The following TNPO2 variants were observed in gnomAD, a reference collection of about 807,000 sequenced individuals.
TNPO2 encodes the protein transportin-2.
Under a neutral mutation model 111.1 loss-of-function variants are expected in TNPO2, and 16 were observed. The observed-to-expected ratio is 0.14, with a 90% CI of 0.10 to 0.22. The LOEUF (loss-of-function observed/expected upper bound fraction) is 0.22, where lower values mean the gene tolerates loss of function less well. TNPO2 is among the 10% of genes least tolerant of loss of function. The pLI, the probability that TNPO2 is intolerant of heterozygous loss-of-function variation, is 1.00. For synonymous variants in TNPO2, 481 were observed against 475.8 expected, an observed-to-expected ratio of 1.01 and a Z score of -0.14; for missense variants, 530 against 1,173.7, an observed-to-expected ratio of 0.45 and a Z score of 8.01.
chr19:12,718,273 C>T (rs931358256), intron 5 of TNPO2, among the ~76,000 whole-genome samples: 2 of 151,928 alleles, frequency 1.3e-5, no homozygotes, highest in African/African-American at 4.8e-5. Context: ...TCAAGTGATT[C>T]TCCTGCCTCA....
chr19:12,711,201 G>T (rs1034660606), intron 12 of TNPO2, 95 bp downstream of exon 12: 3 of 1,514,430 alleles, frequency 2.0e-6, no homozygotes, highest in Non-Finnish European at 2.7e-6. Context: ...GCCACGATCA[G>T]CTTCTAATCA....
chr19:12,721,075 G>T lies in TNPO2; in HGVS notation c.-13-85C>A, dbSNP rs1335171412. 1.0e-5 allele frequency: 16 copies of T among 1,530,512 alleles called. No homozygotes were observed. The highest frequency in any genetic ancestry group is 1.4e-5 in the African/African-American group (1 of 72,350). The allele number at this position is 1,530,512 out of a possible 1,614,324, so 94.8% of individuals were successfully genotyped here. On this transcript the variant is annotated intron_variant, in intron 2 of 25. Coordinates refer to ENST00000425528, the MANE Select transcript of TNPO2 (RefSeq NM_001382241.1). This position sits in a 1 kb window ranked among gnomAD's most constrained non-coding sequence, Gnocchi z 4.9. ...TGGAGCCCCTGAGGCCGCGGTGGCC[G>T]CATGACGACGGGAACGCCCTCGGCG... is the stretch of plus-strand genomic sequence containing the variant.
Position 12,719,125 on chromosome 19 carries a change from G to A in TNPO2, c.229C>T (p.His77Tyr). The A allele has an allele frequency of 6.2e-7, 1 of 1,614,012 alleles. No homozygotes were observed. Among genetic ancestry groups the A allele is most frequent in the Non-Finnish European group, 8.5e-7 (1 of 1,179,902 alleles). Reference protein sequence around the residue: ...GLILKNNVKAHYQSFPPPVAD... With the variant: ...GLILKNNVKAYYQSFPPPVAD... ...ACAGGGGGTGGGAAGCTCTGATAGT[G>A]TGCCTTCACGTTGTTCTTGAGGATG... Residue 77 changes from histidine to tyrosine, a missense_variant, in exon 5 of 26, where the codon CAC becomes TAC. His to Tyr is a moderately conservative substitution (Grantham distance 83). Transcript: ENST00000425528. The surrounding 1 kb of genome is among the most constrained non-coding windows in gnomAD (Gnocchi z 5.0).
chr19:12,703,933 C>T, intron 18 of TNPO2, 132 bp from the exon 19 acceptor site: 1 of 736,276 alleles, frequency 1.4e-6, no homozygotes, highest in East Asian at 2.7e-5. Flanking sequence ...TGTTCCTTAA[C>T]CTCCCTAGCC....
chr19:12,715,485 G>T lies in TNPO2; in HGVS notation c.486C>A (p.Asp162Glu), dbSNP rs1358215009. 1 of 1,613,926 alleles carries T rather than the reference G, an allele frequency of 6.2e-7. No individual in the cohort carries two copies. The highest frequency in any genetic ancestry group is 8.5e-7 in the Non-Finnish European group (1 of 1,179,870). Residue 162 changes from aspartate (D) to glutamate (E), a missense_variant, in exon 7 of 26, where the codon GAC becomes GAA. This residue lies in a region of TNPO2 where 156 missense variants were observed against 405.8 expected (regional missense o/e 0.38). Transcript: ENST00000425528. This position sits in a 1 kb window ranked among gnomAD's most constrained non-coding sequence, Gnocchi z 7.1. ...TGAGGGGCCTGTTGAGGGCGTCACT[G>T]TCCAGAAGCTCTGATGAGTCTTCAC... The part of the protein sequence containing the change: ...KICEDSSELL[D>E]SDALNRPLNI...
intron 5 of TNPO2, among the ~76,000 whole-genome samples, chr19:12,717,816 A>G (rs2026447191): frequency 6.6e-6 from 1 of 151,476 alleles, no homozygotes; most frequent in African/African-American, 2.4e-5. Flanking sequence ...AGCTGGGATT[A>G]CAGGTGCCCA....
At chr19:12,720,446 A>G (rs2026617797) in intron 3 of TNPO2, among the ~76,000 whole-genome samples, 2 of 151,752 alleles carry the variant, frequency 1.3e-5, no homozygotes, top group Admixed American at 6.6e-5. Flanking sequence ...TCATCCTCCC[A>G]AGTAGCTGGG....
chr19:12,715,835 C>A lies in TNPO2; in HGVS notation c.326-96G>T. 3.1e-6 allele frequency: 3 copies of A among 971,398 alleles called. No homozygotes were observed. In the South Asian group the frequency reaches 4.4e-5, roughly 14 times the overall value. The allele number at this position is 971,398 out of a possible 1,614,324, so 60.2% of individuals were successfully genotyped here. On this transcript the variant is annotated intron_variant, in intron 5 of 25. Coordinates refer to ENST00000425528, the MANE Select transcript of TNPO2 (RefSeq NM_001382241.1). This position sits in a 1 kb window ranked among gnomAD's most constrained non-coding sequence, Gnocchi z 7.1. ...ACACCCCCAGTGCTGCCTTTCTGTT[C>A]CCTAGCCCATGTACGCCCTCTACAT...
intron 18 of TNPO2, 147 bp from the exon 19 acceptor site, chr19:12,703,948 G>A: frequency 1.5e-6 from 1 of 676,490 alleles, no homozygotes; most frequent in Non-Finnish European, 2.5e-6. Context: ...CTAGCCTCCA[G>A]CCCACATCTG....
rs2025169177 is a variant in TNPO2, at chr19:12,699,334, G to C, written c.*1930C>G. On this transcript the variant is annotated 3_prime_UTR_variant, in exon 26 of 26. Coordinates refer to ENST00000425528, the MANE Select transcript of TNPO2 (RefSeq NM_001382241.1). ...GCCCGCAGGGGGAAGAGGGTGAGGA[G>C]GGAAAGAGGGACTGTGGCTCAAGGC... 2.5e-6 allele frequency: 1 copy of C among 404,464 alleles called. No homozygotes were observed. The highest frequency in any genetic ancestry group is 2.1e-5 in the African/African-American group (1 of 47,822). 25.1% of individuals were successfully genotyped at this position (404,464 alleles called of 1,614,324 possible). A position where few individuals can be genotyped will look rare whatever the true frequency, so the allele number is the denominator to read the frequency against.
Position 12,715,827 on chromosome 19 carries a change from T to C in TNPO2, c.326-88A>G, listed in dbSNP as rs2026330883. ...CCCACTGGACACCCCCAGTGCTGCC[T>C]TTCTGTTCCCTAGCCCATGTACGCC... On this transcript the variant is annotated intron_variant, in intron 5 of 25. Transcript: ENST00000425528. The surrounding 1 kb of genome is among the most constrained non-coding windows in gnomAD (Gnocchi z 7.1). The C allele has an allele frequency of 5.6e-6, 6 of 1,067,562 alleles. No homozygotes were observed. The highest frequency in any genetic ancestry group is 1.6e-5 in the African/African-American group (1 of 63,384). The allele number at this position is 1,067,562 out of a possible 1,614,324, so 66.1% of individuals were successfully genotyped here.
At chr19:12,717,142 C>T (rs1223803787) in intron 5 of TNPO2, among the ~76,000 whole-genome samples, 1 of 151,888 alleles carries the variant, frequency 6.6e-6, no homozygotes, top group Non-Finnish European at 1.5e-5. Flanking sequence ...TGGGTAGGTA[C>T]ACAGTGAGGA....
At chr19:12,711,767 G>A (rs1407429798) in intron 10 of TNPO2, among the ~76,000 whole-genome samples, 154 bp from the exon 11 acceptor site, 2 of 152,102 alleles carry the variant, frequency 1.3e-5, no homozygotes, top group African/African-American at 4.8e-5. Flanking sequence ...GGTACTGCTA[G>A]GTGCAAATTG....
In TNPO2 at chr19:12,703,419, G is replaced by T. The variant is rs774363283; in HGVS notation, c.2209+9C>A. On this transcript the variant is annotated intron_variant, in intron 20 of 25. Transcript: ENST00000425528. The stretch of plus-strand genomic sequence containing the variant: ...GGGGGGCGCGTGTTGCCACTTGCAG[G>T]GCACTCACCCATCTGCATGCAGATT... 1.2e-5 allele frequency: 19 copies of T among 1,612,858 alleles called. No individual in the cohort carries two copies. Among genetic ancestry groups the T allele is most frequent in the Non-Finnish European group, 1.6e-5 (19 of 1,179,184 alleles).
At position 12,721,275 on chromosome 19, in the gene TNPO2, G is replaced by T. The variant is rs958211313; in HGVS notation, c.-13-285C>A. On this transcript the variant is annotated intron_variant, in intron 2 of 25. Coordinates refer to ENST00000425528, the MANE Select transcript of TNPO2 (RefSeq NM_001382241.1). The surrounding 1 kb of genome is among the most constrained non-coding windows in gnomAD (Gnocchi z 4.9). ...TCATGGGACCCAGCGAAGAGCCCTC[G>T]TCCCAGGGTGGCCCATGCCGCTGAC... is the stretch of plus-strand genomic sequence containing the variant. 5.0e-5 allele frequency: 64 copies of T among 1,288,558 alleles called. No homozygotes were observed. Among genetic ancestry groups the T allele is most frequent in the Non-Finnish European group, 6.2e-5 (63 of 1,010,108 alleles). The allele number at this position is 1,288,558 out of a possible 1,614,324, so 79.8% of individuals were successfully genotyped here. A position where few individuals can be genotyped will look rare whatever the true frequency, so the allele number is the denominator to read the frequency against.
rs925193592 is a variant in TNPO2, at chr19:12,721,273, T to C, written c.-13-283A>G. 4.5e-5 allele frequency: 58 copies of C among 1,288,818 alleles called. No homozygotes were observed. Among genetic ancestry groups the C allele is most frequent in the Non-Finnish European group, 5.7e-5 (58 of 1,010,510 alleles). The allele number at this position is 1,288,818 out of a possible 1,614,324, so 79.8% of individuals were successfully genotyped here. ...CCTCATGGGACCCAGCGAAGAGCCC[T>C]CGTCCCAGGGTGGCCCATGCCGCTG... On this transcript the variant is annotated intron_variant, in intron 2 of 25. Transcript: ENST00000425528. The surrounding 1 kb of genome is among the most constrained non-coding windows in gnomAD (Gnocchi z 4.9).
At position 12,705,120 on chromosome 19, in the gene TNPO2, A is replaced by G. The variant is rs1472079060; in HGVS notation, c.2022+120T>C. 2.7e-6 allele frequency: 3 copies of G among 1,105,398 alleles called. No individual in the cohort carries two copies. In the Admixed American group the frequency reaches 7.3e-5, roughly 27 times the overall value. The allele number at this position is 1,105,398 out of a possible 1,614,324, so 68.5% of individuals were successfully genotyped here. On this transcript the variant is annotated intron_variant, in intron 18 of 25. Transcript: ENST00000425528. This position sits in a 1 kb window ranked among gnomAD's most constrained non-coding sequence, Gnocchi z 7.2. ...CCTCGGCCTCCAGGATTACTCTTTA[A>G]AATAATTAGAACAGCACCTTTTCCC...
intron 2 of TNPO2, among the ~76,000 whole-genome samples, chr19:12,722,827 T>C (rs1967095083): frequency 6.6e-6 from 1 of 152,192 alleles, no homozygotes; most frequent in Non-Finnish European, 1.5e-5. Flanking sequence ...TTCACTGACC[T>C]GACCGCAAGC....
rs1284608173 is a variant in TNPO2 at position 12,714,335 on chromosome 19, C to T, written c.890+486G>A. Among the ~76,000 whole-genome samples, 20 of 143,694 alleles carry T rather than the reference C, an allele frequency of 1.4e-4. No homozygotes were observed. In the East Asian group the frequency reaches 1.4e-3, roughly 10 times the overall value. 94.3% of individuals were successfully genotyped at this position (143,694 alleles called of 152,430 possible). A position where few individuals can be genotyped will look rare whatever the true frequency, so the allele number is the denominator to read the frequency against. ...ATTTCTTTTTTTTTTTTTTTTGAGACGGAGTTTTGCTCTGTCACCCAGGCT... is the reference window on the plus strand; with the variant it reads ...ATTTCTTTTTTTTTTTTTTTTGAGATGGAGTTTTGCTCTGTCACCCAGGCT... On this transcript the variant is annotated intron_variant, in intron 10 of 25. Transcript: ENST00000425528.
Sources: allele counts gnomAD v4.1 joint callset (sites outside exome capture counted in the v4.1 genomes callset), GRCh38; gene constraint gnomAD v4.1.1; regional missense constraint gnomAD v4.1.1; non-coding constraint Gnocchi (gnomAD v3.1); transcripts MANE v1.5; gene names NCBI Gene and HGNC (gene_info 2026-07-23, HGNC 2026-07-21).